CNTN6: variants seen among roughly 807,000 people sequenced by gnomAD.
The protein encoded by CNTN6 is contactin 6, also known as contactin-6.
A neutral mutation model predicts 122.8 loss-of-function variants in CNTN6; 137 were observed. The ratio of observed to expected loss-of-function variants is 1.12; its 90% CI spans 0.97 to 1.29. The LOEUF (loss-of-function observed/expected upper bound fraction) is 1.29, where lower values mean the gene tolerates loss of function less well. Ranked by LOEUF, CNTN6 falls within the 50% of genes most tolerant of loss-of-function variation. The probability of loss-of-function intolerance (pLI) is 0.00; values close to 1 mark genes in which losing one functional copy is unlikely to be tolerated. For missense variants in CNTN6, 1,634 were observed against 1,223.4 expected (o/e 1.34, Z -5.01); for synonymous variants, 570 against 426.0 (o/e 1.34, Z -4.16).
At chr3:1,254,625 A>G (rs2094723412) in intron 4 of CNTN6, among the ~76,000 whole-genome samples, 1 of 152,188 alleles carries the variant, frequency 6.6e-6, no homozygotes, top group Non-Finnish European at 1.5e-5. Context: ...CTACGAAAGC[A>G]GTAGGAGAGG....
At chr3:1,289,239 G>C (rs1316664703) in intron 5 of CNTN6, among the ~76,000 whole-genome samples, 3 of 152,140 alleles carry the variant, frequency 2.0e-5, no homozygotes, top group South Asian at 2.1e-4. Flanking sequence ...GCTGATGCTG[G>C]AACAAAATAG....
intron 12 of CNTN6, among the ~76,000 whole-genome samples, chr3:1,360,181 G>A (rs1479393239): frequency 2.6e-5 from 4 of 152,026 alleles, no homozygotes; most frequent in Non-Finnish European, 4.4e-5. Flanking sequence ...ATTCTAGACT[G>A]GAAGCCATTA....
rs367911099 is a variant in CNTN6 at position 1,094,887 on chromosome 3, CAT to C, written c.-83+1770_-83+1771del. 1.6e-3 allele frequency among the ~76,000 whole-genome samples: 246 copies of C among 151,748 alleles called. 1 individual carries two copies. The highest frequency in any genetic ancestry group is 7.3e-3 in the South Asian group (35 of 4,816). The stretch of plus-strand genomic sequence containing the variant: ...ATTTATTCACTGTTTATTTTAATAA[CAT>C]ATTAATTGGAATGCAGAAGTATAAG... On this transcript the variant is annotated intron_variant, in intron 1 of 22. Coordinates refer to ENST00000446702, the MANE Select transcript of CNTN6 (RefSeq NM_001289080.2).
At chr3:1,185,038 T>TA (rs1176835109) in intron 2 of CNTN6, among the ~76,000 whole-genome samples, 3 of 152,090 alleles carry the variant, frequency 2.0e-5, no homozygotes, top group East Asian at 1.9e-4. Context: ...CAAGAAACAG[T>TA]AAAAAATAAG....
intron 4 of CNTN6, among the ~76,000 whole-genome samples, chr3:1,247,113 A>C (rs2094593103): frequency 6.6e-6 from 1 of 152,094 alleles, no homozygotes; most frequent in Non-Finnish European, 1.5e-5. Flanking sequence ...TTTTCCTGTT[A>C]TCTTCTATAG....
At chr3:1,179,243 G>A (rs2093510566) in intron 2 of CNTN6, among the ~76,000 whole-genome samples, 1 of 152,076 alleles carries the variant, frequency 6.6e-6, no homozygotes, top group African/African-American at 2.4e-5. Context: ...CTGCCCTCAG[G>A]ACCCAAACTA....
At chr3:1,233,507 G>A (rs71309809) in intron 4 of CNTN6, among the ~76,000 whole-genome samples, 18,728 of 151,844 alleles carry the variant, frequency 0.12, 1,305 homozygotes, top group African/African-American at 0.18. Context: ...AGGCCGAGGC[G>A]GGCGGATCAC....
intron 3 of CNTN6, among the ~76,000 whole-genome samples, chr3:1,226,144 G>T (rs2094280514): frequency 6.6e-6 from 1 of 152,080 alleles, no homozygotes. Flanking sequence ...CTCCCAAAGT[G>T]CTGGGATTAC....
intron 17 of CNTN6, among the ~76,000 whole-genome samples, chr3:1,381,925 T>G (rs1691951158): frequency 6.7e-6 from 1 of 150,276 alleles, no homozygotes; most frequent in Admixed American, 6.7e-5. Flanking sequence ...GTGCCTGTGG[T>G]TCTGGCGCTC....
chr3:1,301,119 C>T lies in CNTN6; in HGVS notation c.761+3128C>T, dbSNP rs562930435. Reference sequence around the variant, plus strand: ...TGGCACGATCTCGGCTCACTGCAACCTCCGCGTCCCCGGTTCAAGTGATTC... The same window carrying T: ...TGGCACGATCTCGGCTCACTGCAACTTCCGCGTCCCCGGTTCAAGTGATTC... On this transcript the variant is annotated intron_variant, in intron 7 of 22. Transcript: ENST00000446702. Among the ~76,000 whole-genome samples, 3 of 150,170 alleles carry T rather than the reference C, an allele frequency of 2.0e-5. No homozygotes were observed. The East Asian group carries it at 5.9e-4, about 29-fold the overall frequency.
At chr3:1,339,563 A>G (rs1310584283) in intron 11 of CNTN6, among the ~76,000 whole-genome samples, 1 of 152,120 alleles carries the variant, frequency 6.6e-6, no homozygotes, top group Non-Finnish European at 1.5e-5. Context: ...AGGAGTCTAG[A>G]AAGGTTTCAA....
chr3:1,352,218 T>C, intron 11 of CNTN6, 106 bp from the exon 12 acceptor site: 5 of 978,384 alleles, frequency 5.1e-6, no homozygotes, highest in Non-Finnish European at 7.1e-6. Flanking sequence ...ATTCATATTA[T>C]CACATACACC....
At chr3:1,170,879 C>T (rs907789765) in intron 2 of CNTN6, among the ~76,000 whole-genome samples, 7 of 152,152 alleles carry the variant, frequency 4.6e-5, no homozygotes, top group Non-Finnish European at 1.5e-5. Flanking sequence ...ATCTCTTTAC[C>T]TTTATATTAG....
chr3:1,155,582 C>T (rs1234615813), intron 2 of CNTN6, among the ~76,000 whole-genome samples: 18 of 152,106 alleles, frequency 1.2e-4, no homozygotes, highest in Admixed American at 1.2e-3. Flanking sequence ...TTGACCTAGG[C>T]AGGGGTAACT....
At chr3:1,191,713 T>C (rs1314024130) in intron 2 of CNTN6, among the ~76,000 whole-genome samples, 2 of 152,188 alleles carry the variant, frequency 1.3e-5, no homozygotes, top group African/African-American at 2.4e-5. Context: ...AACTGGCACC[T>C]GAAATGGAGG....
At chr3:1,305,449 C>G (rs2125906648) in intron 7 of CNTN6, among the ~76,000 whole-genome samples, 1 of 152,270 alleles carries the variant, frequency 6.6e-6, no homozygotes, top group Non-Finnish European at 1.5e-5. Flanking sequence ...ATTTGTTTAA[C>G]ATGGTGGACT....
At chr3:1,316,931 A>C (rs1295735412) in intron 7 of CNTN6, among the ~76,000 whole-genome samples, 2 of 151,952 alleles carry the variant, frequency 1.3e-5, no homozygotes, top group Non-Finnish European at 2.9e-5. Flanking sequence ...TTCTGGGATG[A>C]AGTGGGAATT....
chr3:1,386,806 A>G (rs546283113), intron 20 of CNTN6, among the ~76,000 whole-genome samples: 2 of 147,332 alleles, frequency 1.4e-5, no homozygotes, highest in Non-Finnish European at 3.0e-5. Flanking sequence ...TAGTTTACCT[A>G]TACATGCCGT....
chr3:1,341,064 T>C (rs1703810940), intron 11 of CNTN6, among the ~76,000 whole-genome samples: 1 of 152,120 alleles, frequency 6.6e-6, no homozygotes. Flanking sequence ...ATAAATGTAA[T>C]AATAGCATAG....
Sources: allele counts gnomAD v4.1 joint callset (sites outside exome capture counted in the v4.1 genomes callset), GRCh38; gene constraint gnomAD v4.1.1; transcripts MANE v1.5; gene names NCBI Gene and HGNC (gene_info 2026-07-23, HGNC 2026-07-21).